SPICE1: variants seen among roughly 807,000 people sequenced by gnomAD.
SPICE1 encodes the protein spindle and centriole associated protein 1.
A neutral mutation model predicts 102.7 loss-of-function variants in SPICE1; 75 were observed. That is an observed-to-expected ratio of 0.73 (90% CI 0.61 to 0.88). The LOEUF (loss-of-function observed/expected upper bound fraction) is 0.88. Ranked by LOEUF, SPICE1 falls within the 40% of genes least tolerant of loss-of-function variation. SPICE1 has a pLI of 0.00. For synonymous variants in SPICE1, 308 were observed against 350.3 expected, an observed-to-expected ratio of 0.88 and a Z score of 1.35; for missense variants, 979 against 1,020.1, an observed-to-expected ratio of 0.96 and a Z score of 0.55.
At chr3:113,510,301 C>G (rs1273007387) in intron 1 of SPICE1, among the ~76,000 whole-genome samples, 5 of 152,084 alleles carry the variant, frequency 3.3e-5, no homozygotes, top group Non-Finnish European at 7.3e-5. Flanking sequence ...CAAAAAAGAG[C>G]CCATATGGCC....
At chr3:113,495,423 G>A (rs907456398) in intron 4 of SPICE1, among the ~76,000 whole-genome samples, 6 of 152,080 alleles carry the variant, frequency 3.9e-5, no homozygotes, top group African/African-American at 9.7e-5. Flanking sequence ...CTTCTTCCCC[G>A]GCTATAGCCA....
intron 11 of SPICE1, among the ~76,000 whole-genome samples, chr3:113,463,850 C>T (rs1403622382): frequency 2.0e-5 from 3 of 152,140 alleles, no homozygotes; most frequent in Non-Finnish European, 2.9e-5. Context: ...AGGCAGATCA[C>T]GAGGTCAGGA....
intron 13 of SPICE1, among the ~76,000 whole-genome samples, chr3:113,456,291 T>C (rs1268199039): frequency 6.6e-6 from 1 of 151,674 alleles, no homozygotes; most frequent in Non-Finnish European, 1.5e-5. Flanking sequence ...CAGTTATTTT[T>C]CTGTTCCCCT....
intron 7 of SPICE1, 105 bp from the exon 8 acceptor site, chr3:113,469,343 CTA>C (rs1429978964): frequency 3.7e-6 from 1 of 267,146 alleles, no homozygotes; most frequent in Non-Finnish European, 5.8e-6. Flanking sequence ...TTTACATTAT[CTA>C]TATTATTATA....
chr3:113,465,589 C>A, intron 11 of SPICE1, 64 bp downstream of exon 11: 3 of 1,448,164 alleles, frequency 2.1e-6, no homozygotes, highest in Non-Finnish European at 2.8e-6. Context: ...TAAGAGAATC[C>A]AGTACATGTT....
chr3:113,454,575 C>G (rs1935737623), intron 13 of SPICE1, among the ~76,000 whole-genome samples: 1 of 152,014 alleles, frequency 6.6e-6, no homozygotes, highest in Non-Finnish European at 1.5e-5. Flanking sequence ...AACTAGCCAG[C>G]CATGATGGTG....
chr3:113,473,563 G>T (rs924346951), intron 7 of SPICE1, among the ~76,000 whole-genome samples: 3 of 152,202 alleles, frequency 2.0e-5, no homozygotes, highest in African/African-American at 7.2e-5. Flanking sequence ...ACAAAGGGAA[G>T]ACCATCAGAC....
intron 7 of SPICE1, among the ~76,000 whole-genome samples, chr3:113,485,371 C>T (rs1936621507): frequency 6.6e-6 from 1 of 152,076 alleles, no homozygotes; most frequent in African/African-American, 2.4e-5. Flanking sequence ...CTGAGATCAA[C>T]CTGGGACGCT....
In SPICE1 at chr3:113,453,575, T is replaced by TG. The variant is rs1242004141; in HGVS notation, c.2032dup (p.Gln678ProfsTer11). The TG allele has an allele frequency of 6.2e-7, 1 of 1,614,242 alleles. No homozygotes were observed. The highest frequency in any genetic ancestry group is 8.5e-7 in the Non-Finnish European group (1 of 1,180,036). ...CATATGTGCCTTGATAGCTGAATTC[T>TG]GCAATGTCAAATCAGCAATTCGTGT... is the stretch of plus-strand genomic sequence containing the variant. On this transcript the variant is annotated frameshift_variant, in exon 14 of 18. Coordinates refer to ENST00000295872, the MANE Select transcript of SPICE1 (RefSeq NM_144718.4). LOFTEE classifies it high-confidence loss of function.
chr3:113,489,498 G>T lies in SPICE1; in HGVS notation c.493-435C>A, dbSNP rs75099261. ...CAACACACTTATTTCTAACTCAAAT[G>T]GATATTTCTGTCTTTGCCTTCCCTT... On this transcript the variant is annotated intron_variant, in intron 6 of 17. Transcript: ENST00000295872. Among the ~76,000 whole-genome samples, 17 of 152,154 alleles carry T rather than the reference G, an allele frequency of 1.1e-4. No homozygotes were observed. The East Asian group carries it at 3.3e-3, about 29-fold the overall frequency.
At chr3:113,496,420 C>A (rs200659701) in intron 4 of SPICE1, among the ~76,000 whole-genome samples, 2 of 150,514 alleles carry the variant, frequency 1.3e-5, no homozygotes, top group Admixed American at 6.6e-5. Flanking sequence ...CCAGTCTCTA[C>A]AAAAAAAAAG....
intron 16 of SPICE1, 38 bp downstream of exon 16, chr3:113,447,999 GA>G (rs111434379): frequency 2.1e-5 from 31 of 1,486,364 alleles, no homozygotes; most frequent in African/African-American, 2.8e-5. Context: ...AATTCTTTTT[GA>G]TTTTTTTTTT....
intron 7 of SPICE1, among the ~76,000 whole-genome samples, chr3:113,480,226 A>G (rs1017684387): frequency 1.5e-4 from 22 of 147,872 alleles, no homozygotes; most frequent in South Asian, 8.5e-4. Flanking sequence ...TTCCCCACAG[A>G]AAAAAAAAAA....
At chr3:113,464,905 G>A (rs1262670760) in intron 11 of SPICE1, among the ~76,000 whole-genome samples, 7 of 152,146 alleles carry the variant, frequency 4.6e-5, no homozygotes, top group East Asian at 1.9e-4. Context: ...CCTGGAGTTC[G>A]AGACCAGCCT....
chr3:113,484,096 T>G (rs1936585549), intron 7 of SPICE1, among the ~76,000 whole-genome samples: 1 of 152,208 alleles, frequency 6.6e-6, no homozygotes, highest in Admixed American at 6.5e-5. Context: ...TCTTCTGGTT[T>G]AGACTTGGGA....
At chr3:113,504,211 T>C (rs77552719) in intron 2 of SPICE1, among the ~76,000 whole-genome samples, 4,310 of 152,194 alleles carry the variant, frequency 0.028, 105 homozygotes, top group East Asian at 0.081. Flanking sequence ...CAGCTCTAAG[T>C]AGCAACCCTG....
chr3:113,471,480 C>A (rs1271198249), intron 7 of SPICE1, among the ~76,000 whole-genome samples: 1 of 152,142 alleles, frequency 6.6e-6, no homozygotes, highest in Non-Finnish European at 1.5e-5. Context: ...AGCTTCTCCT[C>A]TGGAGGGAGT....
rs1354687387 is a variant in SPICE1, at chr3:113,468,271, C to T, written c.1023G>A (p.Val341=). 1 of 1,614,130 alleles carries T rather than the reference C, an allele frequency of 6.2e-7. No individual in the cohort carries two copies. The highest frequency in any genetic ancestry group is 8.5e-7 in the Non-Finnish European group (1 of 1,180,032). The part of the protein sequence containing the change: ...LDVLKHMIHE[V]EHEMEEYERW... The stretch of plus-strand genomic sequence containing the variant: ...GCTCATATTCTTCCATTTCATGTTC[C>T]ACTTCATGTATCATGTGTTTGAGGA... The change falls in exon 10 of 18, where the codon GTG becomes GTA. Residue 341 remains valine, a synonymous_variant. Transcript: ENST00000295872.
At position 113,480,936 on chromosome 3, in the gene SPICE1, A is replaced by AAAGAAAGAAAGAAAGAAAGG. The variant is rs1439355282; in HGVS notation, c.611+8008_611+8009insCCTTTCTTTCTTTCTTTCTT. 9.5e-4 allele frequency among the ~76,000 whole-genome samples: 25 copies of AAAGAAAGAAAGAAAGAAAGG among 26,206 alleles called. 1 individual carries two copies. The highest frequency in any genetic ancestry group is 2.5e-3 in the African/African-American group (24 of 9,612). 17.2% of individuals were successfully genotyped at this position (26,206 alleles called of 152,430 possible). On this transcript the variant is annotated intron_variant, in intron 7 of 17. Transcript: ENST00000295872. ...TTAAAGAAAGAAAGAAAGAAAAAAG[A>AAAGAAAGAAAGAAAGAAAGG]CCTCAGTACTAAAGCCAATACCTTA...
Sources: gnomAD v4.1 joint callset for allele counts (sites outside exome capture counted in the v4.1 genomes callset) on GRCh38, gnomAD v4.1.1 for gene constraint, MANE v1.5 for transcripts, NCBI Gene and HGNC (gene_info 2026-07-23, HGNC 2026-07-21) for gene names.